SORCS1: variants seen among roughly 807,000 people sequenced by gnomAD.
The protein encoded by SORCS1 is sortilin related VPS10 domain containing receptor 1.
In SORCS1, 60 loss-of-function variants were observed where a neutral mutation model predicts 146.1. That is an observed-to-expected ratio of 0.41 (90% CI 0.33 to 0.51). The LOEUF (loss-of-function observed/expected upper bound fraction) is 0.51, where lower values mean the gene tolerates loss of function less well. Ranked by LOEUF, SORCS1 falls within the 20% of genes least tolerant of loss-of-function variation. The pLI is 0.21. For missense variants in SORCS1, 1,352 were observed against 1,487.6 expected (o/e 0.91, Z 1.50); for synonymous variants, 637 against 584.0 (o/e 1.09, Z -1.31).
intron 17 of SORCS1, among the ~76,000 whole-genome samples, chr10:106,654,863 T>TG (rs1467215581): frequency 6.6e-6 from 1 of 152,166 alleles, no homozygotes; most frequent in African/African-American, 2.4e-5. Flanking sequence ...GATTTTTTTT[T>TG]TTTGTTTGAG....
chr10:106,963,151 T>C (rs1367604127), intron 1 of SORCS1, among the ~76,000 whole-genome samples: 2 of 112,170 alleles, frequency 1.8e-5, no homozygotes, highest in East Asian at 5.7e-4. Context: ...AGTCTTGCTC[T>C]GTCGCCCAGG....
In SORCS1 at chr10:106,609,163, T is replaced by C. The variant is rs7075705; in HGVS notation, c.3034-1866A>G. Among the ~76,000 whole-genome samples, 1,495 of 152,278 alleles carry C rather than the reference T, an allele frequency of 9.8e-3. 15 individuals are homozygous for C. Among genetic ancestry groups the C allele is most frequent in the African/African-American group, 0.025 (1,039 of 41,570 alleles). ...TTTGAAGCCTGGTCTGACTGTGAAG[T>C]CTGTGTTGGGACCCAGTGCTCTGTA... On this transcript the variant is annotated intron_variant, in intron 22 of 25. Transcript: ENST00000263054.
chr10:107,038,112 T>C (rs929018472), intron 1 of SORCS1, among the ~76,000 whole-genome samples: 2 of 152,198 alleles, frequency 1.3e-5, no homozygotes, highest in Non-Finnish European at 2.9e-5. Flanking sequence ...CGTGAGCCAC[T>C]GCACCCGGCC....
intron 23 of SORCS1, among the ~76,000 whole-genome samples, chr10:106,601,678 G>A (rs1302196428): frequency 1.3e-5 from 2 of 152,186 alleles, no homozygotes; most frequent in African/African-American, 4.8e-5. Flanking sequence ...TTGCTCACAT[G>A]TCATATCCAT....
At chr10:106,768,226 TA>T in intron 4 of SORCS1, among the ~76,000 whole-genome samples, 1 of 152,328 alleles carries the variant, frequency 6.6e-6, no homozygotes, top group South Asian at 2.1e-4. Flanking sequence ...ATTACTCACA[TA>T]TTCATGAGGT....
intron 1 of SORCS1, among the ~76,000 whole-genome samples, chr10:107,081,297 A>G (rs558837778): frequency 6.6e-6 from 1 of 152,340 alleles, no homozygotes; most frequent in African/African-American, 2.4e-5. Context: ...AACCCCAAAT[A>G]AAATTATCTA....
intron 1 of SORCS1, among the ~76,000 whole-genome samples, chr10:106,958,913 G>C (rs547503805): frequency 7.2e-5 from 11 of 152,198 alleles, no homozygotes; most frequent in African/African-American, 2.6e-4. Flanking sequence ...CAATTTTGCC[G>C]AATAAGCCTA....
chr10:106,945,857 C>T, intron 2 of SORCS1, among the ~76,000 whole-genome samples: 1 of 152,226 alleles, frequency 6.6e-6, no homozygotes, highest in East Asian at 1.9e-4. Context: ...TGGTCTCACA[C>T]ATCTCAGGAA....
chr10:106,828,430 C>T (rs542190280), intron 3 of SORCS1, among the ~76,000 whole-genome samples: 1 of 152,158 alleles, frequency 6.6e-6, no homozygotes, highest in Non-Finnish European at 1.5e-5. Context: ...GTTTGGGGAC[C>T]ACTTTTGACA....
intron 2 of SORCS1, among the ~76,000 whole-genome samples, chr10:106,924,402 C>T (rs2138459415): frequency 6.6e-6 from 1 of 151,908 alleles, no homozygotes; most frequent in African/African-American, 2.4e-5. Flanking sequence ...TAAAGCAAAG[C>T]AAAATTAAAA....
intron 1 of SORCS1, among the ~76,000 whole-genome samples, chr10:107,161,492 T>C (rs991583934): frequency 2.1e-4 from 32 of 152,164 alleles, no homozygotes; most frequent in Admixed American, 6.5e-5. Context: ...CAAACAAGTG[T>C]ATGAGGCTGT....
chr10:106,937,592 A>G (rs549028873), intron 2 of SORCS1, among the ~76,000 whole-genome samples: 1 of 152,202 alleles, frequency 6.6e-6, no homozygotes, highest in Non-Finnish European at 1.5e-5. Flanking sequence ...AGCCTCCCCA[A>G]CCATGTGGAC....
At chr10:106,747,315 G>C (rs1044349800) in intron 5 of SORCS1, among the ~76,000 whole-genome samples, 7 of 152,204 alleles carry the variant, frequency 4.6e-5, no homozygotes, top group Admixed American at 1.3e-4. Flanking sequence ...GAGGAAGACA[G>C]ATCCTGACAG....
intron 1 of SORCS1, among the ~76,000 whole-genome samples, chr10:107,041,405 A>T (rs1589997700): frequency 5.2e-5 from 2 of 38,674 alleles, no homozygotes; most frequent in Non-Finnish European, 1.3e-4. Flanking sequence ...AAAGGGGATT[A>T]AAAAAAAAAA....
At chr10:106,861,539 C>G (rs191651914) in intron 2 of SORCS1, among the ~76,000 whole-genome samples, 1 of 152,002 alleles carries the variant, frequency 6.6e-6, no homozygotes, top group Non-Finnish European at 1.5e-5. Context: ...GGACAAGCTA[C>G]GAAACATATA....
chr10:106,983,015 G>A (rs950572532), intron 1 of SORCS1, among the ~76,000 whole-genome samples: 3 of 150,320 alleles, frequency 2.0e-5, no homozygotes, highest in Non-Finnish European at 3.0e-5. Flanking sequence ...ATATACCAAA[G>A]GTGCTTAAAA....
intron 5 of SORCS1, among the ~76,000 whole-genome samples, chr10:106,732,868 C>T (rs1451097509): frequency 7.2e-5 from 11 of 152,068 alleles, no homozygotes; most frequent in Non-Finnish European, 1.5e-4. Flanking sequence ...CGCCTGTAAT[C>T]CCAGCACTGT....
At chr10:106,962,425 G>GAAAAGA (rs1319670927) in intron 1 of SORCS1, among the ~76,000 whole-genome samples, 1 of 127,890 alleles carries the variant, frequency 7.8e-6, no homozygotes, top group African/African-American at 2.9e-5. Flanking sequence ...AGAAAGAAAA[G>GAAAAGA]AAAAGAAAAA....
chr10:107,134,929 A>T (rs1374349879), intron 1 of SORCS1, among the ~76,000 whole-genome samples: 1 of 152,208 alleles, frequency 6.6e-6, no homozygotes, highest in Non-Finnish European at 1.5e-5. Context: ...AAGGAGAAAA[A>T]GGTGCTGTGG....
Sources: gnomAD v4.1 joint callset for allele counts (sites outside exome capture counted in the v4.1 genomes callset) on GRCh38, gnomAD v4.1.1 for gene constraint, MANE v1.5 for transcripts, NCBI Gene and HGNC (gene_info 2026-07-23, HGNC 2026-07-21) for gene names.